Variants in IQSEC1 observed in about 807,000 individuals in gnomAD.
The protein encoded by IQSEC1 is IQ motif and SEC7 domain-containing protein 1.
In IQSEC1, 31 loss-of-function variants were observed where a neutral mutation model predicts 91.0. The observed-to-expected ratio is 0.34, with a 90% CI of 0.26 to 0.46. IQSEC1 has a LOEUF of 0.46. Ranked by LOEUF, IQSEC1 falls within the 20% of genes least tolerant of loss-of-function variation. The pLI is 1.00. For synonymous variants in IQSEC1, 699 were observed against 662.6 expected, an observed-to-expected ratio of 1.05 and a Z score of -0.84; for missense variants, 1,388 against 1,575.6, an observed-to-expected ratio of 0.88 and a Z score of 2.02.
intron 2 of IQSEC1, among the ~76,000 whole-genome samples, chr3:13,139,678 G>C (rs1044113362): frequency 1.3e-5 from 2 of 152,188 alleles, no homozygotes; most frequent in Admixed American, 6.5e-5. Context: ...CAGAAGTCTT[G>C]GTTACTAGAA....
chr3:13,100,986 G>A (rs1706048276), intron 2 of IQSEC1, among the ~76,000 whole-genome samples: 1 of 128,316 alleles, frequency 7.8e-6, no homozygotes, highest in Non-Finnish European at 1.7e-5. Context: ...AGGACCTCGA[G>A]CAAGAGTGCT....
In IQSEC1 at chr3:12,924,251, G is replaced by A. The variant is rs534617050; in HGVS notation, c.1730+330C>T. ...AGAAGCTGCAGGAACATGGGTCACT[G>A]AGGGCTGTGATGCTTGGTGCTGGGT... On this transcript the variant is annotated intron_variant, in intron 4 of 13. Transcript: ENST00000613206. The surrounding 1 kb of genome is among the most constrained non-coding windows in gnomAD (Gnocchi z 6.3). Among the ~76,000 whole-genome samples the A allele has an allele frequency of 6.6e-6, 1 of 152,320 alleles. No homozygotes were observed. The highest frequency in any genetic ancestry group is 1.5e-5 in the Non-Finnish European group (1 of 68,018).
At position 12,924,410 on chromosome 3, in the gene IQSEC1, A is replaced by C. The variant is rs1306920565; in HGVS notation, c.1730+171T>G. Reference sequence around the variant, plus strand: ...AGGTGCCCACCTGCGTGCTGGGCAGATGTGGGGCATCTGCATGTGTGTGTC... The same window carrying C: ...AGGTGCCCACCTGCGTGCTGGGCAGCTGTGGGGCATCTGCATGTGTGTGTC... On this transcript the variant is annotated intron_variant, in intron 4 of 13. Coordinates refer to ENST00000613206, the MANE Select transcript of IQSEC1 (RefSeq NM_001134382.3). The surrounding 1 kb of genome is among the most constrained non-coding windows in gnomAD (Gnocchi z 6.3). Among the ~76,000 whole-genome samples, 1 of 152,040 alleles carries C rather than the reference A, an allele frequency of 6.6e-6. No homozygotes were observed. The highest frequency in any genetic ancestry group is 2.4e-5 in the African/African-American group (1 of 41,394).
intron 1 of IQSEC1, among the ~76,000 whole-genome samples, chr3:13,040,825 C>A (rs1183513329): frequency 6.6e-6 from 1 of 152,222 alleles, no homozygotes; most frequent in Non-Finnish European, 1.5e-5. Context: ...TCAGCTGTCA[C>A]CTCCTCCATG....
Position 13,045,962 on chromosome 3 carries a change from T to C in IQSEC1, c.23+27030A>G, listed in dbSNP as rs77877141. Among the ~76,000 whole-genome samples the C allele has an allele frequency of 2.4e-4, 36 of 152,354 alleles. No homozygotes were observed. The East Asian group carries it at 6.2e-3, about 26-fold the overall frequency. On this transcript the variant is annotated intron_variant, in intron 1 of 13. Transcript: ENST00000613206. ...ATGTGCAAAAGTGACAATGCTAGCA[T>C]TTGACTACAGGAAGAACTGGGTGTG...
At chr3:12,914,508 G>A (rs1026327329) in intron 8 of IQSEC1, among the ~76,000 whole-genome samples, 1 of 152,216 alleles carries the variant, frequency 6.6e-6, no homozygotes, top group Non-Finnish European at 1.5e-5. Context: ...AGGTATGAAG[G>A]AGAGAGGATG....
chr3:13,037,776 T>C (rs1018917923), intron 1 of IQSEC1, among the ~76,000 whole-genome samples: 1 of 152,050 alleles, frequency 6.6e-6, no homozygotes, highest in Admixed American at 6.6e-5. Context: ...AAACAAATAC[T>C]GTATTGATTC....
intron 1 of IQSEC1, among the ~76,000 whole-genome samples, chr3:12,968,439 C>G (rs1700742620): frequency 6.6e-6 from 1 of 152,080 alleles, no homozygotes; most frequent in Non-Finnish European, 1.5e-5. Context: ...CTTTAGAGTT[C>G]TTTAGTGATA....
At chr3:13,143,235 GTAAC>G (rs899030195) in intron 2 of IQSEC1, among the ~76,000 whole-genome samples, 2 of 152,234 alleles carry the variant, frequency 1.3e-5, no homozygotes, top group African/African-American at 4.8e-5. Context: ...TGTTGACTGA[GTAAC>G]TGATGGCACC....
intron 2 of IQSEC1, among the ~76,000 whole-genome samples, chr3:13,096,864 C>CT (rs71066943): frequency 0.13 from 18,719 of 142,336 alleles, 1,603 homozygotes; most frequent in African/African-American, 0.24. Flanking sequence ...TTCTTTCTTT[C>CT]TTTTTTTTTT....
intron 1 of IQSEC1, among the ~76,000 whole-genome samples, chr3:13,275,803 C>T (rs1695667779): frequency 6.6e-6 from 1 of 152,194 alleles, no homozygotes; most frequent in Non-Finnish European, 1.5e-5. Context: ...GACAAGCAGC[C>T]CAGGAAGGGG....
chr3:12,931,764 G>A (rs574947083), intron 3 of IQSEC1, among the ~76,000 whole-genome samples: 3 of 152,300 alleles, frequency 2.0e-5, no homozygotes, highest in South Asian at 2.1e-4. Context: ...GATGGGACCC[G>A]AGGCTGCTGG....
chr3:13,269,494 C>T (rs1695556866), intron 1 of IQSEC1, among the ~76,000 whole-genome samples: 1 of 152,238 alleles, frequency 6.6e-6, no homozygotes, highest in African/African-American at 2.4e-5. Context: ...AGCCCACTCC[C>T]ATCCCCTACC....
At chr3:13,265,597 C>T (rs1695475007) in intron 1 of IQSEC1, among the ~76,000 whole-genome samples, 1 of 152,122 alleles carries the variant, frequency 6.6e-6, no homozygotes, top group African/African-American at 2.4e-5. Flanking sequence ...ACAGTTCCTC[C>T]AGGTTACCAG....
chr3:12,938,384 G>A (rs1247313072), intron 2 of IQSEC1, among the ~76,000 whole-genome samples: 1 of 152,188 alleles, frequency 6.6e-6, no homozygotes, highest in East Asian at 1.9e-4. Flanking sequence ...AGGGAGACTG[G>A]CTCAGGGCCA....
rs1347547188 is a variant in IQSEC1, at chr3:12,900,176, C to A, written c.*807G>T. The A allele has an allele frequency of 4.1e-6, 4 of 972,096 alleles. No individual in the cohort carries two copies. Among genetic ancestry groups the A allele is most frequent in the South Asian group, 9.5e-5 (2 of 21,010 alleles). 60.2% of individuals were successfully genotyped at this position (972,096 alleles called of 1,614,324 possible). On this transcript the variant is annotated 3_prime_UTR_variant, in exon 14 of 14. Transcript: ENST00000613206. ...TCTGTTAATAAAATAAGGATTTATA[C>A]AAAGCAATACTGGACTTTTTAAACA...
In IQSEC1 at chr3:12,924,860, C is replaced by G; in HGVS notation, c.1569-118G>C. 3 of 958,432 alleles carry G rather than the reference C, an allele frequency of 3.1e-6. No homozygotes were observed. Among genetic ancestry groups the G allele is most frequent in the Non-Finnish European group, 4.5e-6 (3 of 659,866 alleles). The allele number at this position is 958,432 out of a possible 1,614,324, so 59.4% of individuals were successfully genotyped here. A position where few individuals can be genotyped will look rare whatever the true frequency, so the allele number is the denominator to read the frequency against. On this transcript the variant is annotated intron_variant, in intron 3 of 13. Coordinates refer to ENST00000613206, the MANE Select transcript of IQSEC1 (RefSeq NM_001134382.3). The surrounding 1 kb of genome is among the most constrained non-coding windows in gnomAD (Gnocchi z 6.3). The stretch of plus-strand genomic sequence containing the variant: ...CTCCCTCCCTGCCCACCTGCACCGG[C>G]CTTCATCCCTGTAGGCATTCAGGGG...
chr3:13,063,982 G>A (rs139956429), intron 1 of IQSEC1, among the ~76,000 whole-genome samples: 1 of 148,206 alleles, frequency 6.7e-6, no homozygotes, highest in Non-Finnish European at 1.5e-5. Context: ...TGAGATAATC[G>A]TAGATTCATT....
At chr3:13,235,239 A>G (rs1694907970) in intron 1 of IQSEC1, among the ~76,000 whole-genome samples, 1 of 152,090 alleles carries the variant, frequency 6.6e-6, no homozygotes, top group Admixed American at 6.5e-5. Context: ...CTTCTCCCCC[A>G]GCTCTCCAGG....
Sources: allele counts gnomAD v4.1 joint callset (sites outside exome capture counted in the v4.1 genomes callset), GRCh38; gene constraint gnomAD v4.1.1; non-coding constraint Gnocchi (gnomAD v3.1); transcripts MANE v1.5; gene names NCBI Gene and HGNC (gene_info 2026-07-23, HGNC 2026-07-21).